ENOX1: variants seen among roughly 807,000 people sequenced by gnomAD.
The protein encoded by ENOX1 is candidate growth-related and time keeping constitutive hydroquinone (NADH) oxidase.
A neutral mutation model predicts 82.5 loss-of-function variants in ENOX1; 42 were observed. That is an observed-to-expected ratio of 0.51 (90% CI 0.40 to 0.66). ENOX1 has a LOEUF of 0.66. ENOX1 is among the 30% of genes least tolerant of loss of function. The pLI is 0.00. For synonymous variants in ENOX1, 271 were observed against 282.2 expected (o/e 0.96, Z 0.40); for missense variants, 608 against 811.6 (o/e 0.75, Z 3.05).
chr13:43,485,694 C>T (rs141873526), intron 2 of ENOX1, among the ~76,000 whole-genome samples: 3 of 152,318 alleles, frequency 2.0e-5, no homozygotes, highest in East Asian at 3.9e-4. Context: ...ACCAATGGAT[C>T]TAAACTAAGT....
chr13:43,563,543 A>T (rs1477137259), intron 2 of ENOX1, among the ~76,000 whole-genome samples: 1 of 152,136 alleles, frequency 6.6e-6, no homozygotes, highest in Non-Finnish European at 1.5e-5. Flanking sequence ...AGCAGAAGTA[A>T]ATGAAATTAA....
At chr13:43,620,468 A>G (rs995422039) in intron 2 of ENOX1, among the ~76,000 whole-genome samples, 29 of 152,242 alleles carry the variant, frequency 1.9e-4, no homozygotes, top group Middle Eastern at 3.4e-3. Flanking sequence ...CAGTTTGAAG[A>G]ATTTTTAAAT....
intron 1 of ENOX1, among the ~76,000 whole-genome samples, chr13:43,694,385 C>T (rs1374751217): frequency 2.0e-5 from 3 of 152,200 alleles, no homozygotes; most frequent in African/African-American, 4.8e-5. Flanking sequence ...CATCACATCT[C>T]TCCAAAGTTC....
intron 11 of ENOX1, among the ~76,000 whole-genome samples, chr13:43,303,833 G>A (rs529032304): frequency 6.6e-6 from 1 of 152,162 alleles, no homozygotes; most frequent in Non-Finnish European, 1.5e-5. Flanking sequence ...TGTCTGGGAG[G>A]AAGCCCAAGA....
Position 43,298,338 on chromosome 13 carries a change from C to A in ENOX1, c.1446+8G>T. On this transcript the variant is annotated splice_region_variant and intron_variant, in intron 12 of 16. Transcript: ENST00000690772. ...CTCAAAAAAAAAAAAAAAATCTGGG[C>A]CAGGTACCTGCTGCATGCCTTGCAT... The A allele has an allele frequency of 1.3e-6, 2 of 1,568,042 alleles. No homozygotes were observed. The highest frequency in any genetic ancestry group is 2.0e-5 in the Admixed American group (1 of 50,426).
At chr13:43,591,501 T>A (rs1167239992) in intron 2 of ENOX1, among the ~76,000 whole-genome samples, 4 of 151,882 alleles carry the variant, frequency 2.6e-5, no homozygotes, top group Non-Finnish European at 5.9e-5. Context: ...GGAGGTTTGG[T>A]GGGAGAGAGA....
chr13:43,612,318 C>G (rs2082232743), intron 2 of ENOX1, among the ~76,000 whole-genome samples: 1 of 152,194 alleles, frequency 6.6e-6, no homozygotes, highest in Non-Finnish European at 1.5e-5. Flanking sequence ...CATGAAAATA[C>G]AGATGCCCCC....
At chr13:43,547,771 T>C (rs1418682227) in intron 2 of ENOX1, 2 of 152,114 alleles carry the variant, frequency 1.3e-5, no homozygotes, top group African/African-American at 4.8e-5. Flanking sequence ...ACAAACCCAA[T>C]ATTGAGGCTA....
At chr13:43,713,580 A>G (rs2087889559) in intron 1 of ENOX1, among the ~76,000 whole-genome samples, 1 of 152,108 alleles carries the variant, frequency 6.6e-6, no homozygotes, top group South Asian at 2.1e-4. Context: ...GATTATTGCC[A>G]CAATTTCAGA....
chr13:43,505,052 T>C (rs1252424243), intron 2 of ENOX1, among the ~76,000 whole-genome samples: 1 of 151,782 alleles, frequency 6.6e-6, no homozygotes, highest in East Asian at 1.9e-4. Flanking sequence ...TTTTAGGAAA[T>C]AAAAGAAACA....
At chr13:43,328,623 C>G (rs980592804) in intron 9 of ENOX1, among the ~76,000 whole-genome samples, 2 of 152,066 alleles carry the variant, frequency 1.3e-5, no homozygotes, top group African/African-American at 4.8e-5. Context: ...GTAAGGAAGA[C>G]TAGTAATGCA....
chr13:43,672,504 G>A lies in ENOX1; in HGVS notation c.-284-4960C>T, dbSNP rs2085316277. Among the ~76,000 whole-genome samples, 5 of 152,088 alleles carry A rather than the reference G, an allele frequency of 3.3e-5. No homozygotes were observed. The South Asian group carries it at 1.0e-3, about 32-fold the overall frequency. On this transcript the variant is annotated intron_variant, in intron 1 of 16. Coordinates refer to ENST00000690772, the MANE Select transcript of ENOX1 (RefSeq NM_001347969.2). ...CTTCTTTGTCATGTACAATTTATAT[G>A]AAATAAATTTGTATGCTTTTCTCTT...
chr13:43,617,395 T>C lies in ENOX1; in HGVS notation c.-219+50084A>G, dbSNP rs148288283. Among the ~76,000 whole-genome samples, 6 of 152,364 alleles carry C rather than the reference T, an allele frequency of 3.9e-5. No individual in the cohort carries two copies. The East Asian group carries it at 7.7e-4, about 20-fold the overall frequency. On this transcript the variant is annotated intron_variant, in intron 2 of 16. Transcript: ENST00000690772. ...CCAGTGTGCCTTCTGAAGAGTTTCATCAATTTACAGTACAATCAAAAGACA... is the reference window on the plus strand; with the variant it reads ...CCAGTGTGCCTTCTGAAGAGTTTCACCAATTTACAGTACAATCAAAAGACA...
chr13:43,727,189 G>A (rs914133965), intron 1 of ENOX1, among the ~76,000 whole-genome samples: 12 of 152,152 alleles, frequency 7.9e-5, no homozygotes, highest in Admixed American at 6.5e-4. Flanking sequence ...TCCCCCAAAT[G>A]AGGTTAACAG....
chr13:43,575,843 T>C (rs1340606294), intron 2 of ENOX1, among the ~76,000 whole-genome samples: 5 of 152,210 alleles, frequency 3.3e-5, no homozygotes, highest in African/African-American at 1.2e-4. Context: ...ACAGTCATGA[T>C]GGTGACAAGG....
At chr13:43,378,898 T>C (rs914643494) in intron 5 of ENOX1, among the ~76,000 whole-genome samples, 3 of 152,188 alleles carry the variant, frequency 2.0e-5, no homozygotes, top group Non-Finnish European at 2.9e-5. Context: ...GCTAACTTTA[T>C]GACAGATTAT....
At chr13:43,685,790 G>A (rs946337339) in intron 1 of ENOX1, among the ~76,000 whole-genome samples, 2 of 151,732 alleles carry the variant, frequency 1.3e-5, no homozygotes, top group African/African-American at 2.4e-5. Flanking sequence ...TTTGCCTGCT[G>A]GGAGGCATAC....
chr13:43,229,847 T>G (rs1263742324), intron 15 of ENOX1, among the ~76,000 whole-genome samples: 1 of 152,142 alleles, frequency 6.6e-6, no homozygotes, highest in African/African-American at 2.4e-5. Context: ...GACTATTTTC[T>G]CAGATGAGAA....
intron 2 of ENOX1, among the ~76,000 whole-genome samples, chr13:43,592,327 T>C (rs1023608910): frequency 1.3e-5 from 2 of 152,232 alleles, no homozygotes; most frequent in Non-Finnish European, 2.9e-5. Flanking sequence ...ACTTAGTGCA[T>C]ACTGCAATAA....
Sources: allele counts gnomAD v4.1 joint callset (sites outside exome capture counted in the v4.1 genomes callset), GRCh38; gene constraint gnomAD v4.1.1; transcripts MANE v1.5; gene names NCBI Gene and HGNC (gene_info 2026-07-23, HGNC 2026-07-21).